Variants in TRIM9 observed in about 807,000 individuals in gnomAD.
TRIM9 encodes the protein tripartite motif containing 9, also known as E3 ubiquitin-protein ligase TRIM9.
In TRIM9, 26 loss-of-function variants were observed where a neutral mutation model predicts 78.3. The observed-to-expected ratio is 0.33, with a 90% CI of 0.24 to 0.46. The LOEUF (loss-of-function observed/expected upper bound fraction) is 0.46, where lower values mean the gene tolerates loss of function less well. Among genes scored for constraint, TRIM9 ranks in the 20% least tolerant of loss-of-function variants. TRIM9 has a pLI of 1.00. For synonymous variants in TRIM9, 398 were observed against 416.5 expected (o/e 0.96, Z 0.54); for missense variants, 787 against 1,036.4 (o/e 0.76, Z 3.30).
At chr14:50,996,950 T>C in intron 7 of TRIM9, 10 of 985,404 alleles carry the variant, frequency 1.0e-5, no homozygotes, top group Non-Finnish European at 1.2e-5. Flanking sequence ...TTTTTAACCA[T>C]GTGAAGCATT....
Position 50,997,327 on chromosome 14 carries a change from C to T in TRIM9, c.1603+723G>A, listed in dbSNP as rs115242569. ...AAATATTTAAAGTATAGCTAAGAAG[C>T]AAAAATTCTCTAGAGATGAACCTTG... On this transcript the variant is annotated intron_variant, in intron 7 of 12. Transcript: ENST00000684578. 6.1e-4 allele frequency: 597 copies of T among 985,236 alleles called. 1 individual carries two copies. In the African/African-American group the frequency reaches 1.0e-2, roughly 16 times the overall value. The allele number at this position is 985,236 out of a possible 1,614,324, so 61.0% of individuals were successfully genotyped here.
chr14:50,976,609 T>C lies in TRIM9; in HGVS notation c.*682A>G, dbSNP rs2051107189. The C allele has an allele frequency of 6.6e-6, 1 of 152,624 alleles. No individual in the cohort carries two copies. The highest frequency in any genetic ancestry group is 2.1e-4 in the South Asian group (1 of 4,836). The allele number at this position is 152,624 out of a possible 1,614,324, so 9.5% of individuals were successfully genotyped here. A position where few individuals can be genotyped will look rare whatever the true frequency, so the allele number is the denominator to read the frequency against. The stretch of plus-strand genomic sequence containing the variant: ...TGGTTTGCCTGTGTCTTAGAGACTT[T>C]CCAATTTTATACAGTGGCCAGGGTT... On this transcript the variant is annotated 3_prime_UTR_variant, in exon 13 of 13. Coordinates refer to ENST00000684578, the MANE Select transcript of TRIM9 (RefSeq NM_001387360.1).
intron 1 of TRIM9, among the ~76,000 whole-genome samples, chr14:51,048,572 C>CAGAAGACGGGA (rs11268378): frequency 2.0e-5 from 3 of 151,696 alleles, no homozygotes; most frequent in African/African-American, 7.3e-5. Flanking sequence ...GCTGGGGATC[C>CAGAAGACGGGA]TAGGCACATA....
intron 3 of TRIM9, among the ~76,000 whole-genome samples, chr14:51,021,684 C>T (rs1256968736): frequency 1.3e-5 from 2 of 152,228 alleles, no homozygotes. Flanking sequence ...CACTCTGAAG[C>T]CTGCTGGCCA....
intron 10 of TRIM9, 103 bp downstream of exon 10, chr14:50,982,839 T>C: frequency 9.0e-7 from 1 of 1,112,840 alleles, no homozygotes; most frequent in East Asian, 2.6e-5. Context: ...CACCTATAAA[T>C]ATCACACTCG....
At chr14:50,996,102 G>C in intron 7 of TRIM9, 1 of 985,360 alleles carries the variant, frequency 1.0e-6, no homozygotes, top group Non-Finnish European at 1.2e-6. Context: ...ATTTCATCAT[G>C]AGAAAATTAC....
intron 1 of TRIM9, among the ~76,000 whole-genome samples, chr14:51,077,386 G>GTTTTTTTTTTTT (rs146912763): frequency 3.1e-5 from 3 of 97,704 alleles, no homozygotes; most frequent in Non-Finnish European, 5.7e-5. Flanking sequence ...CTCCAATTCT[G>GTTTTTTTTTTTT]TTTTTTTTTT....
intron 1 of TRIM9, among the ~76,000 whole-genome samples, chr14:51,027,611 AG>A (rs1321968734): frequency 1.3e-5 from 2 of 152,314 alleles, no homozygotes; most frequent in Admixed American, 6.5e-5. Context: ...AACACAACTG[AG>A]TAAGATAAAG....
chr14:51,072,396 G>T (rs182852744), intron 1 of TRIM9, among the ~76,000 whole-genome samples: 2 of 152,040 alleles, frequency 1.3e-5, no homozygotes, highest in East Asian at 3.9e-4. Flanking sequence ...TTCTTGCATA[G>T]AATCAGTTAT....
intron 1 of TRIM9, among the ~76,000 whole-genome samples, chr14:51,039,294 C>T (rs2059401950): frequency 6.6e-6 from 1 of 152,168 alleles, no homozygotes. Context: ...TAAACGTATC[C>T]CAACTCTATG....
At chr14:51,000,902 A>C in intron 5 of TRIM9, 62 bp from the exon 6 acceptor site, 1 of 1,589,954 alleles carries the variant, frequency 6.3e-7, no homozygotes, top group Non-Finnish European at 8.6e-7. Flanking sequence ...GTATCTTAGA[A>C]TGACAAGCAT....
chr14:50,995,960 CT>C (rs34469615), intron 7 of TRIM9: 259 of 311,106 alleles, frequency 8.3e-4, no homozygotes, highest in Middle Eastern at 3.1e-3. Context: ...TCGATCATAT[CT>C]TTTTTTTTAA....
At chr14:51,045,609 A>C (rs1245467316) in intron 1 of TRIM9, among the ~76,000 whole-genome samples, 4 of 152,156 alleles carry the variant, frequency 2.6e-5, no homozygotes, top group Admixed American at 6.5e-5. Context: ...GTAAAGAGTA[A>C]ATGTGAGATT....
At chr14:51,054,277 T>C (rs1259040832) in intron 1 of TRIM9, among the ~76,000 whole-genome samples, 1 of 139,508 alleles carries the variant, frequency 7.2e-6, no homozygotes, top group Non-Finnish European at 1.6e-5. Flanking sequence ...GGAGAAAGAA[T>C]TGAATCCTAT....
intron 5 of TRIM9, 74 bp from the exon 6 acceptor site, chr14:51,000,914 C>G: frequency 1.3e-6 from 2 of 1,569,944 alleles, no homozygotes; most frequent in Non-Finnish European, 1.7e-6. Flanking sequence ...GACAAGCATC[C>G]CCCTGATAAA....
intron 1 of TRIM9, among the ~76,000 whole-genome samples, chr14:51,069,320 T>C (rs1364696834): frequency 6.6e-6 from 1 of 152,208 alleles, no homozygotes; most frequent in Non-Finnish European, 1.5e-5. Flanking sequence ...CTGGAGGTGA[T>C]TTTCCTCCTA....
intron 4 of TRIM9, 138 bp downstream of exon 4, chr14:51,010,246 T>C (rs2056408135): frequency 1.6e-6 from 1 of 621,092 alleles, no homozygotes; most frequent in Non-Finnish European, 2.8e-6. Flanking sequence ...CTTACTTCCA[T>C]GTACACTGCA....
intron 1 of TRIM9, among the ~76,000 whole-genome samples, chr14:51,083,719 C>G (rs2063516708): frequency 6.6e-6 from 1 of 152,170 alleles, no homozygotes; most frequent in East Asian, 1.9e-4. Context: ...AGTTGAGATA[C>G]ATATCCAAGT....
chr14:51,016,303 G>A (rs1566581153), intron 3 of TRIM9, among the ~76,000 whole-genome samples: 1 of 152,086 alleles, frequency 6.6e-6, no homozygotes, highest in South Asian at 2.1e-4. Context: ...GGAGGTGAGC[G>A]GCGGCCACCT....
Sources: allele counts gnomAD v4.1 joint callset (sites outside exome capture counted in the v4.1 genomes callset), GRCh38; gene constraint gnomAD v4.1.1; transcripts MANE v1.5; gene names NCBI Gene and HGNC (gene_info 2026-07-23, HGNC 2026-07-21).